NDST4: variants seen among roughly 807,000 people sequenced by gnomAD.
The protein encoded by NDST4 is N-heparan sulfate sulfotransferase 4.
Under a neutral mutation model 100.8 loss-of-function variants are expected in NDST4, and 63 were observed. That is an observed-to-expected ratio of 0.62 (90% CI 0.51 to 0.77). The LOEUF is 0.77. Ranked by LOEUF, NDST4 falls within the 30% of genes least tolerant of loss-of-function variation. The pLI, the probability that NDST4 is intolerant of heterozygous loss-of-function variation, is 0.00. For synonymous variants in NDST4, 377 were observed against 361.8 expected (o/e 1.04, Z -0.48); for missense variants, 943 against 1,018.4 (o/e 0.93, Z 1.01).
In NDST4 at chr4:115,077,081, TA is replaced by T; in HGVS notation, c.-46del. ...GAAGCTTTTTCCCAATTTCGTTTCC[TA>T]AAGTGCCATAGTGAATAAAGTATGA... is the stretch of plus-strand genomic sequence containing the variant. On this transcript the variant is annotated 5_prime_UTR_variant, in exon 2 of 14. It removes the in-frame stop codon of an upstream open reading frame in the 5' UTR. Coordinates refer to ENST00000264363, the MANE Select transcript of NDST4 (RefSeq NM_022569.3). 1 of 1,516,058 alleles carries T rather than the reference TA, an allele frequency of 6.6e-7. No homozygotes were observed. The highest frequency in any genetic ancestry group is 8.9e-7 in the Non-Finnish European group (1 of 1,128,486). 93.9% of individuals were successfully genotyped at this position (1,516,058 alleles called of 1,614,324 possible). A position where few individuals can be genotyped will look rare whatever the true frequency, so the allele number is the denominator to read the frequency against.
At chr4:115,025,106 G>A (rs1443018011) in intron 2 of NDST4, among the ~76,000 whole-genome samples, 1 of 152,014 alleles carries the variant, frequency 6.6e-6, no homozygotes, top group Non-Finnish European at 1.5e-5. Flanking sequence ...ATAAATTACC[G>A]AGTCTTGTTA....
intron 11 of NDST4, among the ~76,000 whole-genome samples, chr4:114,838,261 C>T (rs1484369137): frequency 1.3e-5 from 2 of 152,132 alleles, no homozygotes; most frequent in South Asian, 2.1e-4. Context: ...GACAGTATGG[C>T]AATTCTTCAA....
At chr4:115,043,804 G>A (rs896457890) in intron 2 of NDST4, among the ~76,000 whole-genome samples, 2 of 152,028 alleles carry the variant, frequency 1.3e-5, no homozygotes, top group Non-Finnish European at 2.9e-5. Flanking sequence ...TTGAATAAAT[G>A]AAATAAAGAA....
At chr4:114,909,979 G>T (rs775868090) in intron 6 of NDST4, among the ~76,000 whole-genome samples, 29 of 152,300 alleles carry the variant, frequency 1.9e-4, no homozygotes, top group Non-Finnish European at 3.7e-4. Context: ...TTTGGCTATT[G>T]TAAGGGGATG....
At chr4:115,015,296 G>A (rs985590528) in intron 2 of NDST4, among the ~76,000 whole-genome samples, 12 of 152,108 alleles carry the variant, frequency 7.9e-5, no homozygotes, top group Non-Finnish European at 1.8e-4. Flanking sequence ...AGATGGTTCT[G>A]TGTGAAATGC....
intron 6 of NDST4, among the ~76,000 whole-genome samples, chr4:114,927,040 GT>G (rs1189038359): frequency 1.3e-5 from 2 of 151,904 alleles, no homozygotes; most frequent in African/African-American, 2.4e-5. Flanking sequence ...TAATGGGAAG[GT>G]TTTTTTCTTT....
At chr4:115,040,135 G>A (rs562392997) in intron 2 of NDST4, among the ~76,000 whole-genome samples, 1 of 151,176 alleles carries the variant, frequency 6.6e-6, no homozygotes, top group African/African-American at 2.4e-5. Context: ...AGACTTCTTT[G>A]AATATTCTTT....
At chr4:114,978,431 G>T (rs1726685792) in intron 2 of NDST4, among the ~76,000 whole-genome samples, 2 of 151,856 alleles carry the variant, frequency 1.3e-5, no homozygotes, top group Admixed American at 1.3e-4. Context: ...ATAGTCAATG[G>T]TTATCCAAGA....
intron 10 of NDST4, among the ~76,000 whole-genome samples, chr4:114,845,401 C>T (rs906687970): frequency 5.3e-5 from 8 of 152,040 alleles, no homozygotes; most frequent in African/African-American, 1.9e-4. Flanking sequence ...TTTAGCTGTG[C>T]CTTTTCTTCA....
At chr4:115,058,120 T>A (rs1728742677) in intron 2 of NDST4, among the ~76,000 whole-genome samples, 1 of 152,170 alleles carries the variant, frequency 6.6e-6, no homozygotes, top group Non-Finnish European at 1.5e-5. Flanking sequence ...TATATTTCTT[T>A]AAAATGAAAT....
chr4:115,027,409 C>T (rs1039890899), intron 2 of NDST4, among the ~76,000 whole-genome samples: 2 of 152,152 alleles, frequency 1.3e-5, no homozygotes, highest in Non-Finnish European at 2.9e-5. Flanking sequence ...ATAACACATA[C>T]CAAGCTCTCT....
At position 114,845,990 on chromosome 4, in the gene NDST4, C is replaced by A; in HGVS notation, c.1948G>T (p.Asp650Tyr). 1 of 1,591,128 alleles carries A rather than the reference C, an allele frequency of 6.3e-7. No individual in the cohort carries two copies. The highest frequency in any genetic ancestry group is 8.6e-7 in the Non-Finnish European group (1 of 1,163,222). Residue 650 changes from aspartate (D) to tyrosine (Y), a missense_variant, in exon 10 of 14, where the codon GAC becomes TAC. This residue lies in a region of NDST4 where 526 missense variants were observed against 634.1 expected (regional missense o/e 0.83). Transcript: ENST00000264363. ...GTATTGGATGGTGTAGGGAAAAAGT[C>A]CATATACCTGAAGGCAGAGAAAGAC... ...NYHKGIDWYM[D>Y]FFPTPSNTTS...
At chr4:115,013,766 T>A (rs894756838) in intron 2 of NDST4, among the ~76,000 whole-genome samples, 1 of 151,934 alleles carries the variant, frequency 6.6e-6, no homozygotes, top group Non-Finnish European at 1.5e-5. Flanking sequence ...ATTGGTTTCA[T>A]AACCTGAAAA....
chr4:114,866,287 C>A (rs944016106), intron 7 of NDST4, among the ~76,000 whole-genome samples: 13 of 152,208 alleles, frequency 8.5e-5, no homozygotes, highest in African/African-American at 1.9e-4. Flanking sequence ...ATCTTCAGCA[C>A]CTCCCTATTC....
intron 6 of NDST4, among the ~76,000 whole-genome samples, chr4:114,924,434 G>GA (rs573486874): frequency 0.017 from 1,970 of 116,170 alleles, 15 homozygotes; most frequent in Non-Finnish European, 0.026. Flanking sequence ...TTTAAGGATA[G>GA]AAAAAAAAAA....
At chr4:114,879,079 G>A (rs1307404724) in intron 6 of NDST4, among the ~76,000 whole-genome samples, 1 of 151,880 alleles carries the variant, frequency 6.6e-6, no homozygotes, top group Non-Finnish European at 1.5e-5. Flanking sequence ...TATTTATGAA[G>A]TACAACGTGA....
chr4:114,979,108 C>T (rs1384841974), intron 2 of NDST4, among the ~76,000 whole-genome samples: 1 of 151,872 alleles, frequency 6.6e-6, no homozygotes, highest in Non-Finnish European at 1.5e-5. Flanking sequence ...TCTCCCACCT[C>T]CTACATTTCC....
chr4:115,106,416 G>A (rs1729834573), intron 1 of NDST4, among the ~76,000 whole-genome samples: 1 of 152,034 alleles, frequency 6.6e-6, no homozygotes. Context: ...CTTGTCATAA[G>A]GAGTGGTTCC....
At chr4:115,013,425 T>C (rs551976685) in intron 2 of NDST4, among the ~76,000 whole-genome samples, 29 of 144,464 alleles carry the variant, frequency 2.0e-4, no homozygotes, top group African/African-American at 6.8e-4. Flanking sequence ...TAAAAACTTA[T>C]AACACACTGT....
Sources: gnomAD v4.1 joint callset for allele counts (sites outside exome capture counted in the v4.1 genomes callset) on GRCh38, gnomAD v4.1.1 for gene constraint, gnomAD v4.1.1 regional missense constraint, MANE v1.5 for transcripts, NCBI Gene and HGNC (gene_info 2026-07-23, HGNC 2026-07-21) for gene names.